The following PDE1A variants were observed in gnomAD, a reference collection of about 807,000 sequenced individuals.
PDE1A encodes the protein phosphodiesterase 1A, also known as dual specificity calcium/calmodulin-dependent 3',5'-cyclic nucleotide phosphodiesterase 1A.
In PDE1A, 35 loss-of-function variants were observed where a neutral mutation model predicts 61.7. The observed-to-expected ratio is 0.57, with a 90% CI of 0.43 to 0.75. PDE1A has a LOEUF of 0.75. PDE1A is among the 30% of genes least tolerant of loss of function. The pLI, the probability that PDE1A is intolerant of heterozygous loss-of-function variation, is 0.00. For synonymous variants in PDE1A, 232 were observed against 213.2 expected, an observed-to-expected ratio of 1.09 and a Z score of -0.77; for missense variants, 597 against 630.6, an observed-to-expected ratio of 0.95 and a Z score of 0.57.
intron 1 of PDE1A, among the ~76,000 whole-genome samples, chr2:182,290,024 A>G (rs902181768): frequency 7.0e-6 from 1 of 142,462 alleles, no homozygotes; most frequent in Non-Finnish European, 1.5e-5. Flanking sequence ...CAATTTTGCT[A>G]GAAAAAAATG....
chr2:182,610,131 C>T, the PDE1A span, among the ~76,000 whole-genome samples: 1 of 151,754 alleles, frequency 6.6e-6, no homozygotes, highest in African/African-American at 2.4e-5. Flanking sequence ...GAGGAGCCAA[C>T]GAGTCTGGAC....
intron 2 of PDE1A, among the ~76,000 whole-genome samples, chr2:182,262,116 TTTC>T (rs1309046489): frequency 2.0e-5 from 3 of 151,658 alleles, no homozygotes; most frequent in African/African-American, 4.8e-5. Context: ...AAGAAAATAA[TTTC>T]TTTCTTTCTC....
chr2:182,425,198 C>T (rs1010398429), intron 1 of PDE1A, among the ~76,000 whole-genome samples: 2 of 152,214 alleles, frequency 1.3e-5, no homozygotes, highest in African/African-American at 2.4e-5. Flanking sequence ...TCCAACACAA[C>T]CTTGCCTTTC....
intron 1 of PDE1A, among the ~76,000 whole-genome samples, chr2:182,367,544 A>T (rs977795104): frequency 2.0e-5 from 3 of 152,112 alleles, no homozygotes; most frequent in Non-Finnish European, 2.9e-5. Context: ...CTAGTGGAAC[A>T]AAAGAACTTC....
intron 1 of PDE1A, among the ~76,000 whole-genome samples, chr2:182,375,424 AC>A (rs1464386379): frequency 6.6e-6 from 1 of 152,178 alleles, no homozygotes; most frequent in Admixed American, 6.5e-5. Context: ...ATCTTCCAGG[AC>A]AGTCAAATTT....
chr2:182,396,116 T>G (rs1469529798), intron 1 of PDE1A, among the ~76,000 whole-genome samples: 1 of 152,226 alleles, frequency 6.6e-6, no homozygotes, highest in African/African-American at 2.4e-5. Flanking sequence ...CACCCTGCCT[T>G]CTCTCCCTTA....
intron 2 of PDE1A, among the ~76,000 whole-genome samples, chr2:182,502,144 T>C (rs913468561): frequency 1.3e-5 from 2 of 152,210 alleles, no homozygotes; most frequent in Non-Finnish European, 2.9e-5. Context: ...TTCTTTAATT[T>C]CGCTGAGTAA....
At chr2:182,234,545 A>C (rs767295150) in intron 3 of PDE1A, 47 bp from the exon 4 acceptor site, 2 of 1,205,290 alleles carry the variant, frequency 1.7e-6, no homozygotes, top group Admixed American at 1.9e-5. Context: ...ATTTATTCAA[A>C]GTTTTCAACT....
At chr2:182,255,021 T>C (rs1691674346) in intron 2 of PDE1A, among the ~76,000 whole-genome samples, 3 of 152,168 alleles carry the variant, frequency 2.0e-5, no homozygotes, top group South Asian at 4.1e-4. Context: ...TCGGATCCTA[T>C]GGGAAAGAAA....
At chr2:182,413,103 CA>C (rs1702714835) in intron 1 of PDE1A, among the ~76,000 whole-genome samples, 1 of 151,948 alleles carries the variant, frequency 6.6e-6, no homozygotes, top group Admixed American at 6.6e-5. Flanking sequence ...GTCCTAGGAG[CA>C]ATAAGTCACC....
the PDE1A span, among the ~76,000 whole-genome samples, chr2:182,625,482 G>A: frequency 6.6e-6 from 1 of 152,184 alleles, no homozygotes; most frequent in African/African-American, 2.4e-5. Context: ...TAAGTTCAGG[G>A]CACTTGCCTA....
chr2:182,567,255 G>T, the PDE1A span, among the ~76,000 whole-genome samples: 1 of 152,212 alleles, frequency 6.6e-6, no homozygotes, highest in African/African-American at 2.4e-5. Context: ...GCTTCCAATT[G>T]GATGACTGTG....
chr2:182,304,735 T>G (rs547301299), intron 1 of PDE1A, among the ~76,000 whole-genome samples: 1 of 152,266 alleles, frequency 6.6e-6, no homozygotes, highest in African/African-American at 2.4e-5. Flanking sequence ...ACAACATTTA[T>G]CAATTGAGTT....
intron 2 of PDE1A, among the ~76,000 whole-genome samples, chr2:182,471,230 T>C (rs1009702834): frequency 5.3e-5 from 8 of 151,776 alleles, no homozygotes; most frequent in Non-Finnish European, 1.0e-4. Context: ...TCAATAACTG[T>C]TTATTTAATA....
At chr2:182,214,203 C>G (rs1436217441) in intron 7 of PDE1A, among the ~76,000 whole-genome samples, 1 of 151,490 alleles carries the variant, frequency 6.6e-6, no homozygotes, top group Non-Finnish European at 1.5e-5. Context: ...ACTTTACAGA[C>G]AAGCAAATGC....
intron 2 of PDE1A, among the ~76,000 whole-genome samples, chr2:182,262,964 T>TGTGTGA (rs1298021983): frequency 6.7e-6 from 1 of 149,966 alleles, no homozygotes; most frequent in Non-Finnish European, 1.5e-5. Flanking sequence ...AATGTGTGTG[T>TGTGTGA]GTGTGTGTGT....
chr2:182,154,317 G>A (rs149872271), intron 13 of PDE1A, among the ~76,000 whole-genome samples: 25 of 152,200 alleles, frequency 1.6e-4, no homozygotes, highest in African/African-American at 5.5e-4. Context: ...AAATCCTGAG[G>A]TGCATTGTTC....
chr2:182,252,575 G>A (rs544649325), intron 2 of PDE1A, among the ~76,000 whole-genome samples: 1 of 152,186 alleles, frequency 6.6e-6, no homozygotes, highest in Non-Finnish European at 1.5e-5. Flanking sequence ...TTAACGAAGA[G>A]TAGTCAGAAA....
chr2:182,415,812 C>T (rs1484085194), intron 1 of PDE1A, among the ~76,000 whole-genome samples: 1 of 152,090 alleles, frequency 6.6e-6, no homozygotes, highest in Non-Finnish European at 1.5e-5. Context: ...AGGAAACTTG[C>T]ATGGAAATCA....
Sources: gnomAD v4.1 joint callset for allele counts (sites outside exome capture counted in the v4.1 genomes callset) on GRCh38, gnomAD v4.1.1 for gene constraint, MANE v1.5 for transcripts, NCBI Gene and HGNC (gene_info 2026-07-23, HGNC 2026-07-21) for gene names.